TMCO4: variants seen among roughly 807,000 people sequenced by gnomAD.
TMCO4 encodes the protein transmembrane and coiled-coil domain-containing protein 4.
Under a neutral mutation model 64.7 loss-of-function variants are expected in TMCO4, and 58 were observed. That is an observed-to-expected ratio of 0.90 (90% CI 0.73 to 1.12). The LOEUF (loss-of-function observed/expected upper bound fraction) is 1.12, where lower values mean the gene tolerates loss of function less well. TMCO4 is among the 50% of genes most tolerant of loss of function. The probability of loss-of-function intolerance (pLI) is 0.00; values close to 1 mark genes in which losing one functional copy is unlikely to be tolerated. For synonymous variants in TMCO4, 325 were observed against 346.1 expected (o/e 0.94, Z 0.68); for missense variants, 780 against 825.9 (o/e 0.94, Z 0.68).
chr1:19,742,830 T>A (rs1025949252), intron 10 of TMCO4, among the ~76,000 whole-genome samples: 1 of 152,062 alleles, frequency 6.6e-6, no homozygotes, highest in Non-Finnish European at 1.5e-5. Flanking sequence ...GGCGGGTGGA[T>A]CATGAGGTGA....
At chr1:19,735,649 C>T (rs2095450868) in intron 13 of TMCO4, among the ~76,000 whole-genome samples, 1 of 152,162 alleles carries the variant, frequency 6.6e-6, no homozygotes, top group South Asian at 2.1e-4. Context: ...TTCCGGTTAC[C>T]ACAGCCAAAT....
At chr1:19,753,431 G>A (rs1038231540) in intron 7 of TMCO4, among the ~76,000 whole-genome samples, 10 of 152,206 alleles carry the variant, frequency 6.6e-5, no homozygotes, top group East Asian at 1.9e-4. Flanking sequence ...GAGGCACAGA[G>A]AGGAGAGGTG....
chr1:19,711,751 G>T (rs2095331719), intron 13 of TMCO4, among the ~76,000 whole-genome samples: 1 of 151,886 alleles, frequency 6.6e-6, no homozygotes, highest in Non-Finnish European at 1.5e-5. Context: ...TTCACCTCCT[G>T]GTTTCAAGTG....
intron 13 of TMCO4, among the ~76,000 whole-genome samples, chr1:19,724,431 G>A (rs1443531252): frequency 6.6e-6 from 1 of 152,138 alleles, no homozygotes; most frequent in Middle Eastern, 3.2e-3. Context: ...CGATGACAGA[G>A]GGCAGAATGA....
chr1:19,767,681 A>G (rs1453565307), intron 6 of TMCO4, among the ~76,000 whole-genome samples: 2 of 152,204 alleles, frequency 1.3e-5, no homozygotes, highest in Non-Finnish European at 2.9e-5. Context: ...AATGAGAGAA[A>G]GGAAGGGCTG....
chr1:19,714,908 A>G (rs1460951082), intron 13 of TMCO4, among the ~76,000 whole-genome samples: 1 of 152,044 alleles, frequency 6.6e-6, no homozygotes. Flanking sequence ...GGGTGACAAG[A>G]GTGAAACTTC....
At position 19,791,822 on chromosome 1, in the gene TMCO4, G is replaced by A. The variant is rs1029388637; in HGVS notation, c.-100-4705C>T. ...GGTAGCCTCCTGAGGTTCTTGTCCC[G>A]GGTACTGTGAAGACACCAAATGATA... On this transcript the variant is annotated intron_variant, in intron 2 of 15. Transcript: ENST00000294543. Among the ~76,000 whole-genome samples, 5 of 152,252 alleles carry A rather than the reference G, an allele frequency of 3.3e-5. No individual in the cohort carries two copies. The East Asian group carries it at 9.7e-4, about 29-fold the overall frequency.
At chr1:19,740,639 G>A (rs947552351) in intron 11 of TMCO4, 138 bp downstream of exon 11, 23 of 941,812 alleles carry the variant, frequency 2.4e-5, no homozygotes, top group Non-Finnish European at 3.3e-5. Flanking sequence ...ACAGGAATGC[G>A]GCCTTAACCT....
chr1:19,756,566 T>C (rs767056792), intron 6 of TMCO4, among the ~76,000 whole-genome samples: 4 of 152,140 alleles, frequency 2.6e-5, no homozygotes, highest in Non-Finnish European at 5.9e-5. Context: ...AACCTGGAGA[T>C]TTCCAACATC....
At chr1:19,695,104 C>A (rs1212640077) in intron 14 of TMCO4, among the ~76,000 whole-genome samples, 1 of 152,196 alleles carries the variant, frequency 6.6e-6, no homozygotes, top group African/African-American at 2.4e-5. Flanking sequence ...GCAGGTCTCC[C>A]TGCCCTCAGG....
At chr1:19,727,348 G>A (rs1033832011) in intron 13 of TMCO4, among the ~76,000 whole-genome samples, 11 of 152,306 alleles carry the variant, frequency 7.2e-5, no homozygotes, top group East Asian at 3.9e-4. Context: ...CCTACTATGT[G>A]CCAGGTGCTC....
chr1:19,755,915 C>T (rs1488272627), intron 6 of TMCO4, 149 bp from the exon 7 acceptor site: 5 of 906,736 alleles, frequency 5.5e-6, no homozygotes, highest in African/African-American at 1.7e-5. Flanking sequence ...ACACAGTTGC[C>T]TGGACAGAAT....
chr1:19,793,048 A>C (rs115022331), intron 2 of TMCO4, among the ~76,000 whole-genome samples: 1 of 151,886 alleles, frequency 6.6e-6, no homozygotes, highest in Admixed American at 6.6e-5. Flanking sequence ...AGGATTACAG[A>C]CGTGAGCCAC....
At chr1:19,784,756 A>C (rs1327468739) in intron 3 of TMCO4, among the ~76,000 whole-genome samples, 3 of 129,222 alleles carry the variant, frequency 2.3e-5, no homozygotes, top group African/African-American at 9.1e-5. Flanking sequence ...AGGGGTGTCC[A>C]ATCTTTTGGC....
intron 6 of TMCO4, among the ~76,000 whole-genome samples, chr1:19,758,537 T>G (rs1247696937): frequency 6.6e-6 from 1 of 152,188 alleles, no homozygotes; most frequent in Non-Finnish European, 1.5e-5. Context: ...ATTCCTGTGG[T>G]AATCTCAGGC....
At chr1:19,761,680 C>T (rs541318404) in intron 6 of TMCO4, among the ~76,000 whole-genome samples, 34 of 152,372 alleles carry the variant, frequency 2.2e-4, no homozygotes, top group Admixed American at 5.9e-4. Context: ...GGAATTACAG[C>T]TTCCTCGGTC....
intron 13 of TMCO4, among the ~76,000 whole-genome samples, chr1:19,729,883 T>G (rs2095423445): frequency 6.6e-6 from 1 of 152,250 alleles, no homozygotes; most frequent in Non-Finnish European, 1.5e-5. Context: ...GTGATTATTA[T>G]GCATTGCATG....
At chr1:19,778,898 A>G (rs748098057) in intron 4 of TMCO4, among the ~76,000 whole-genome samples, 8 of 152,196 alleles carry the variant, frequency 5.3e-5, no homozygotes, top group Non-Finnish European at 7.3e-5. Context: ...GGTAGCAGGT[A>G]TGGAGAGTTC....
Position 19,741,355 on chromosome 1 carries a change from C to T in TMCO4, c.878-414G>A, listed in dbSNP as rs75864799. On this transcript the variant is annotated intron_variant, in intron 10 of 15. Transcript: ENST00000294543. Reference sequence around the variant, plus strand: ...GCATTAAGCTGCTAATGACATACAACGAGAGCATACAATGGGACAAGCAGC... The same window carrying T: ...GCATTAAGCTGCTAATGACATACAATGAGAGCATACAATGGGACAAGCAGC... 5.1e-3 allele frequency among the ~76,000 whole-genome samples: 774 copies of T among 152,318 alleles called. 4 individuals carry two copies. The highest frequency in any genetic ancestry group is 0.017 in the African/African-American group (724 of 41,568).
Sources: allele counts gnomAD v4.1 joint callset (sites outside exome capture counted in the v4.1 genomes callset), GRCh38; gene constraint gnomAD v4.1.1; transcripts MANE v1.5; gene names NCBI Gene and HGNC (gene_info 2026-07-23, HGNC 2026-07-21).